The following AFG2A variants were observed in gnomAD, a reference collection of about 807,000 sequenced individuals.
AFG2A encodes the protein AAA ATPase AFG2A.
At chr4:123,298,437 G>A in the AFG2A span, among the ~76,000 whole-genome samples, 2 of 152,172 alleles carry the variant, frequency 1.3e-5, no homozygotes, top group African/African-American at 2.4e-5. Flanking sequence ...AGTTCAGTTC[G>A]ACCCAATAAT....
the AFG2A span, among the ~76,000 whole-genome samples, chr4:123,114,143 C>T: frequency 2.6e-5 from 4 of 152,120 alleles, no homozygotes; most frequent in East Asian, 7.7e-4. Flanking sequence ...CCTCCACTGG[C>T]TCTGCTCTGC....
the AFG2A span, among the ~76,000 whole-genome samples, chr4:123,136,367 C>G: frequency 6.6e-6 from 1 of 151,108 alleles, no homozygotes; most frequent in African/African-American, 2.4e-5. Flanking sequence ...AACCCGGTCT[C>G]TACTAAAAAT....
At chr4:123,261,417 T>G in the AFG2A span, among the ~76,000 whole-genome samples, 1 of 152,004 alleles carries the variant, frequency 6.6e-6, no homozygotes, top group Non-Finnish European at 1.5e-5. Flanking sequence ...AAAATAACAA[T>G]ACAACAACAA....
At chr4:123,180,849 TAAAAC>T in the AFG2A span, among the ~76,000 whole-genome samples, 3 of 152,196 alleles carry the variant, frequency 2.0e-5, no homozygotes, top group African/African-American at 7.2e-5. Flanking sequence ...GTTTTTTTGA[TAAAAC>T]AAGGGTCAGC....
the AFG2A span, among the ~76,000 whole-genome samples, chr4:123,035,570 C>A: frequency 9.9e-5 from 15 of 152,046 alleles, no homozygotes; most frequent in Non-Finnish European, 2.1e-4. Flanking sequence ...GTGCCATTGT[C>A]AGTTTTACAA....
chr4:123,287,922 G>A, the AFG2A span, among the ~76,000 whole-genome samples: 2 of 152,118 alleles, frequency 1.3e-5, no homozygotes, highest in Non-Finnish European at 2.9e-5. Flanking sequence ...CACATTTCAG[G>A]GAGAGGGAAC....
the AFG2A span, among the ~76,000 whole-genome samples, chr4:123,121,230 A>T: frequency 3.4e-5 from 5 of 148,192 alleles, no homozygotes; most frequent in African/African-American, 1.2e-4. Context: ...CCTAAGTGTT[A>T]TTATAAGAGT....
the AFG2A span, among the ~76,000 whole-genome samples, chr4:122,978,205 G>T: frequency 6.6e-6 from 1 of 152,176 alleles, no homozygotes; most frequent in Non-Finnish European, 1.5e-5. Flanking sequence ...TCTCAGCAGA[G>T]AGGAGACCTG....
the AFG2A span, among the ~76,000 whole-genome samples, chr4:123,266,053 T>C: frequency 1.3e-5 from 2 of 152,076 alleles, no homozygotes; most frequent in Non-Finnish European, 2.9e-5. Flanking sequence ...CTGTTAACTC[T>C]GTAGCATAGA....
the AFG2A span, among the ~76,000 whole-genome samples, chr4:123,279,580 G>T: frequency 6.6e-6 from 1 of 152,138 alleles, no homozygotes; most frequent in Non-Finnish European, 1.5e-5. Flanking sequence ...TTTCTAATAG[G>T]TATAGTAGTT....
chr4:122,961,671 A>G, the AFG2A span, among the ~76,000 whole-genome samples: 1 of 152,088 alleles, frequency 6.6e-6, no homozygotes, highest in Admixed American at 6.6e-5. Flanking sequence ...CGCCTGGCTA[A>G]TTTTTGTATT....
At chr4:123,250,357 A>G in the AFG2A span, among the ~76,000 whole-genome samples, 6 of 152,170 alleles carry the variant, frequency 3.9e-5, no homozygotes, top group Admixed American at 3.9e-4. Context: ...ATAAACTAAC[A>G]TGTTTACAGT....
At chr4:123,133,489 C>CGTGTGTGT in the AFG2A span, among the ~76,000 whole-genome samples, 1 of 148,130 alleles carries the variant, frequency 6.8e-6, no homozygotes, top group Non-Finnish European at 1.5e-5. Flanking sequence ...TAGGCGTGTG[C>CGTGTGTGT]GTGTGTGTGT....
the AFG2A span, among the ~76,000 whole-genome samples, chr4:122,952,974 A>G: frequency 6.6e-6 from 1 of 152,154 alleles, no homozygotes; most frequent in Non-Finnish European, 1.5e-5. Flanking sequence ...GTCATTGTCC[A>G]TGTCCCATCA....
chr4:123,188,716 A>C, the AFG2A span, among the ~76,000 whole-genome samples: 1 of 152,194 alleles, frequency 6.6e-6, no homozygotes, highest in Non-Finnish European at 1.5e-5. Flanking sequence ...AAAGATGATT[A>C]TTGTTTTAAT....
At chr4:123,125,900 A>G in the AFG2A span, among the ~76,000 whole-genome samples, 4 of 152,052 alleles carry the variant, frequency 2.6e-5, no homozygotes, top group African/African-American at 7.2e-5. Context: ...TATTACTGCC[A>G]TTGCCTCTTG....
At chr4:123,285,379 A>G in the AFG2A span, among the ~76,000 whole-genome samples, 4 of 152,000 alleles carry the variant, frequency 2.6e-5, no homozygotes, top group African/African-American at 9.7e-5. Context: ...TTTTCTCCCT[A>G]CATTCTTAGG....
At chr4:123,136,828 G>A in the AFG2A span, among the ~76,000 whole-genome samples, 2 of 147,676 alleles carry the variant, frequency 1.4e-5, no homozygotes, top group African/African-American at 5.1e-5. Context: ...GGCAACAAAA[G>A]TGAAACTCCA....
At chr4:123,152,875 T>C in the AFG2A span, among the ~76,000 whole-genome samples, 2 of 152,328 alleles carry the variant, frequency 1.3e-5, no homozygotes, top group South Asian at 4.1e-4. Context: ...ATGGATAAAA[T>C]AATAAATAGA....
Sources: allele counts gnomAD v4.1 joint callset (sites outside exome capture counted in the v4.1 genomes callset), GRCh38; gene constraint gnomAD v4.1.1; transcripts MANE v1.5; gene names NCBI Gene and HGNC (gene_info 2026-07-23, HGNC 2026-07-21).